RC3H1: variants seen among roughly 807,000 people sequenced by gnomAD.
The protein encoded by RC3H1 is roquin-1.
A neutral mutation model predicts 138.2 loss-of-function variants in RC3H1; 50 were observed. That is an observed-to-expected ratio of 0.36 (90% CI 0.29 to 0.46). The LOEUF (loss-of-function observed/expected upper bound fraction) is 0.46, where lower values mean the gene tolerates loss of function less well. Ranked by LOEUF, RC3H1 falls within the 20% of genes least tolerant of loss-of-function variation. RC3H1 has a pLI of 1.00. For missense variants in RC3H1, 1,031 were observed against 1,388.1 expected, an observed-to-expected ratio of 0.74 and a Z score of 4.09; for synonymous variants, 462 against 489.1, an observed-to-expected ratio of 0.94 and a Z score of 0.73.
intron 1 of RC3H1, chr1:174,009,146 G>C (rs1212532419): frequency 6.6e-6 from 1 of 152,100 alleles, no homozygotes; most frequent in African/African-American, 2.4e-5. Flanking sequence ...TTTGTATAGT[G>C]TGCATGTTAT....
At chr1:173,982,567 T>G (rs988252246) in intron 5 of RC3H1, among the ~76,000 whole-genome samples, 160 bp downstream of exon 5, 2 of 152,116 alleles carry the variant, frequency 1.3e-5, no homozygotes, top group African/African-American at 4.8e-5. Flanking sequence ...AGTATTTAAC[T>G]ATAATAAGAC....
intron 9 of RC3H1, among the ~76,000 whole-genome samples, chr1:173,965,576 C>T (rs969987890): frequency 1.4e-5 from 2 of 140,798 alleles, no homozygotes; most frequent in African/African-American, 3.2e-5. Flanking sequence ...GGCGACAGAG[C>T]GAGATTCTGT....
intron 7 of RC3H1, among the ~76,000 whole-genome samples, chr1:173,977,160 G>A (rs1234674375): frequency 1.3e-5 from 2 of 152,124 alleles, no homozygotes; most frequent in East Asian, 1.9e-4. Context: ...TCCTGACCTC[G>A]TGATCCGCCC....
intron 1 of RC3H1, among the ~76,000 whole-genome samples, chr1:173,994,913 T>TA (rs1054094043): frequency 2.9e-4 from 44 of 151,170 alleles, no homozygotes; most frequent in African/African-American, 2.2e-4. Context: ...GTACTAACGA[T>TA]AAAAAAAAGA....
rs1331301011 is a variant in RC3H1 at position 173,941,316 on chromosome 1, TG to T, written c.3199del (p.Gln1067AsnfsTer15). On this transcript the variant is annotated frameshift_variant, in exon 19 of 20. Transcript: ENST00000367696. LOFTEE classifies it high-confidence loss of function. The stretch of plus-strand genomic sequence containing the variant: ...CGGAACCTTGTTTTGTGGTTCTGGT[TG>T]TCCATTTTCTGCTTGTTTACTTGTA... ...LNTSKQAENG[Q>X]PEPQNKVPAE... 1 of 1,613,946 alleles carries T rather than the reference TG, an allele frequency of 6.2e-7. No homozygotes were observed. The highest frequency in any genetic ancestry group is 1.3e-5 in the African/African-American group (1 of 74,928).
chr1:173,966,586 G>A (rs1660128250), intron 9 of RC3H1, among the ~76,000 whole-genome samples: 1 of 151,916 alleles, frequency 6.6e-6, no homozygotes, highest in Non-Finnish European at 1.5e-5. Flanking sequence ...GTGGTGGCAG[G>A]CACCTGTAGT....
chr1:173,938,408 T>C lies in RC3H1; in HGVS notation c.*313A>G. On this transcript the variant is annotated 3_prime_UTR_variant, in exon 20 of 20. Coordinates refer to ENST00000367696, the MANE Select transcript of RC3H1 (RefSeq NM_172071.4). Reference sequence around the variant, plus strand: ...ACAGAGTGTATATATAATATCTTTTTTTTTTAAAGCCCTGGATCCAAGGCG... The same window carrying C: ...ACAGAGTGTATATATAATATCTTTTCTTTTTAAAGCCCTGGATCCAAGGCG... 1 of 181,548 alleles carries C rather than the reference T, an allele frequency of 5.5e-6. No individual in the cohort carries two copies. The highest frequency in any genetic ancestry group is 1.1e-5 in the Non-Finnish European group (1 of 87,496). The allele number at this position is 181,548 out of a possible 1,614,324, so 11.2% of individuals were successfully genotyped here.
chr1:173,938,507 A>G lies in RC3H1; in HGVS notation c.*214T>C. 1 of 364,652 alleles carries G rather than the reference A, an allele frequency of 2.7e-6. No homozygotes were observed. The highest frequency in any genetic ancestry group is 4.9e-6 in the Non-Finnish European group (1 of 205,074). 22.6% of individuals were successfully genotyped at this position (364,652 alleles called of 1,614,324 possible). ...ATCTGAATTGCTTGCAGATACTGCT[A>G]ATTTTCTTTTTCTTTAAATTAAAAA... On this transcript the variant is annotated 3_prime_UTR_variant, in exon 20 of 20. Transcript: ENST00000367696.
In RC3H1 at chr1:173,982,745, A is replaced by G. The variant is rs1430251132; in HGVS notation, c.750T>C (p.Tyr250=). 1.9e-6 allele frequency: 3 copies of G among 1,611,318 alleles called. No individual in the cohort carries two copies. Among genetic ancestry groups the G allele is most frequent in the South Asian group, 1.1e-5 (1 of 90,702 alleles). ...TTCATACCTTGAAACAGGAGGCTCT[A>G]TAAAGGAGCTGAACAACATGCCCAA... is the stretch of plus-strand genomic sequence containing the variant. ...TSIGHVVQLL[Y]RASCFKVTKR... The change falls in exon 5 of 20, where the codon TAT becomes TAC. Residue 250 remains tyrosine (Y), a synonymous_variant. Transcript: ENST00000367696.
At position 173,947,582 on chromosome 1, in the gene RC3H1, T is replaced by A. The variant is rs769224082; in HGVS notation, c.2524A>T (p.Asn842Tyr). The change falls in exon 15 of 20, where the codon AAT becomes TAT. Residue 842 changes from asparagine (N) to tyrosine (Y), a missense_variant and splice_region_variant. This residue lies in a region of RC3H1 where 716 missense variants were observed against 837.9 expected (regional missense o/e 0.85). Coordinates refer to ENST00000367696, the MANE Select transcript of RC3H1 (RefSeq NM_172071.4). ...VVAAGSVEMM[N>Y]VESKGMRDQR... Reference sequence around the variant, plus strand: ...TCCCTCATTCCTTTACTCTCCACATTCTGATAAAAAAGCAAAATGAGAAAT... The same window carrying A: ...TCCCTCATTCCTTTACTCTCCACATACTGATAAAAAAGCAAAATGAGAAAT... 6.2e-7 allele frequency: 1 copy of A among 1,613,344 alleles called. No homozygotes were observed. Among genetic ancestry groups the A allele is most frequent in the African/African-American group, 1.3e-5 (1 of 74,850 alleles).
intron 1 of RC3H1, among the ~76,000 whole-genome samples, chr1:174,004,804 G>A (rs1366805444): frequency 2.6e-5 from 4 of 151,968 alleles, no homozygotes; most frequent in African/African-American, 7.2e-5. Context: ...AGTCTATCGG[G>A]CTAATGGGAA....
chr1:173,945,126 T>A (rs1357820688), intron 17 of RC3H1, among the ~76,000 whole-genome samples: 2 of 82,400 alleles, frequency 2.4e-5, no homozygotes, highest in East Asian at 6.7e-4. Flanking sequence ...TAAAAATTCC[T>A]TTTTTTTTTT....
At chr1:174,009,185 A>C (rs1300547001) in intron 1 of RC3H1, 1 of 152,150 alleles carries the variant, frequency 6.6e-6, no homozygotes, top group African/African-American at 2.4e-5. Flanking sequence ...GGTTGAGATA[A>C]GTCTAACCAC....
intron 1 of RC3H1, among the ~76,000 whole-genome samples, chr1:174,010,008 T>C (rs933842129): frequency 1.3e-5 from 2 of 152,172 alleles, no homozygotes; most frequent in Non-Finnish European, 2.9e-5. Context: ...TTAGGTAATA[T>C]GATGGTCACT....
chr1:173,957,199 A>C (rs1308921306), intron 13 of RC3H1, among the ~76,000 whole-genome samples: 5 of 152,186 alleles, frequency 3.3e-5, no homozygotes, highest in Non-Finnish European at 7.3e-5. Context: ...TATAATTTTT[A>C]TTAGGAGTAA....
chr1:173,951,653 G>A (rs934060370), intron 14 of RC3H1, among the ~76,000 whole-genome samples: 3 of 152,048 alleles, frequency 2.0e-5, no homozygotes, highest in South Asian at 4.1e-4. Flanking sequence ...GCCATTCTCC[G>A]TGACAAAGAA....
At chr1:173,977,183 CA>C (rs1341976667) in intron 7 of RC3H1, among the ~76,000 whole-genome samples, 3 of 152,064 alleles carry the variant, frequency 2.0e-5, no homozygotes, top group Non-Finnish European at 4.4e-5. Context: ...CTCGGCCTCC[CA>C]AAGTGCTGGG....
At chr1:173,963,091 A>G (rs1659948879) in intron 11 of RC3H1, among the ~76,000 whole-genome samples, 1 of 152,178 alleles carries the variant, frequency 6.6e-6, no homozygotes, top group Non-Finnish European at 1.5e-5. Flanking sequence ...TATATATGTA[A>G]AACGTTAGTT....
intron 5 of RC3H1, among the ~76,000 whole-genome samples, chr1:173,982,192 C>A (rs1660849215): frequency 6.6e-6 from 1 of 152,060 alleles, no homozygotes; most frequent in Non-Finnish European, 1.5e-5. Context: ...CCAGCCTGGC[C>A]AACATGGCGA....
Sources: allele counts gnomAD v4.1 joint callset (sites outside exome capture counted in the v4.1 genomes callset), GRCh38; gene constraint gnomAD v4.1.1; regional missense constraint gnomAD v4.1.1; transcripts MANE v1.5; gene names NCBI Gene and HGNC (gene_info 2026-07-23, HGNC 2026-07-21).